The following TSPAN11 variants were observed in gnomAD, a reference collection of about 807,000 sequenced individuals.
TSPAN11 encodes tetraspanin-11.
A neutral mutation model predicts 32.9 loss-of-function variants in TSPAN11; 29 were observed. The ratio of observed to expected loss-of-function variants is 0.88; its 90% CI spans 0.66 to 1.20. TSPAN11 has a LOEUF of 1.20. TSPAN11 is among the 50% of genes most tolerant of loss of function. The pLI is 0.00. For missense variants in TSPAN11, 283 were observed against 329.1 expected (o/e 0.86, Z 1.08); for synonymous variants, 140 against 141.3 (o/e 0.99, Z 0.07).
At chr12:30,944,633 A>G (rs1024748407) in intron 1 of TSPAN11, among the ~76,000 whole-genome samples, 7 of 152,384 alleles carry the variant, frequency 4.6e-5, no homozygotes, top group African/African-American at 1.7e-4. Flanking sequence ...CTAAGTGTCC[A>G]TCAACAGATG....
At chr12:30,939,059 C>T (rs944009537) in intron 1 of TSPAN11, among the ~76,000 whole-genome samples, 14 of 152,072 alleles carry the variant, frequency 9.2e-5, no homozygotes, top group Admixed American at 7.2e-4. Context: ...ATGGTGAACC[C>T]TGTCTCTACT....
At position 30,992,213 on chromosome 12, in the gene TSPAN11, C is replaced by G; in HGVS notation, c.*298C>G. On this transcript the variant is annotated 3_prime_UTR_variant, in exon 8 of 8. Transcript: ENST00000546076. ...CAGGAACGGGGGCACCCGTGGACTA[C>G]GGGAGGGTGGCGGTTGGGTTCTCTG... is the stretch of plus-strand genomic sequence containing the variant. 1 of 476,300 alleles carries G rather than the reference C, an allele frequency of 2.1e-6. No individual in the cohort carries two copies. The highest frequency in any genetic ancestry group is 3.8e-6 in the Non-Finnish European group (1 of 262,178). 29.5% of individuals were successfully genotyped at this position (476,300 alleles called of 1,614,324 possible). A position where few individuals can be genotyped will look rare whatever the true frequency, so the allele number is the denominator to read the frequency against.
intron 3 of TSPAN11, among the ~76,000 whole-genome samples, chr12:30,965,397 C>G (rs929446485): frequency 1.3e-5 from 2 of 152,124 alleles, no homozygotes; most frequent in Non-Finnish European, 2.9e-5. Context: ...GTCGGGTCAT[C>G]TTGTTTAGAG....
At chr12:30,927,383 G>A (rs1465696097) in intron 1 of TSPAN11, among the ~76,000 whole-genome samples, 2 of 152,258 alleles carry the variant, frequency 1.3e-5, no homozygotes, top group African/African-American at 4.8e-5. Context: ...GTGGAAAGAA[G>A]GCATGGAAGG....
downstream of TSPAN11, among the ~76,000 whole-genome samples, chr12:30,999,646 A>G (rs1939459291): frequency 6.6e-6 from 1 of 152,144 alleles, no homozygotes; most frequent in African/African-American, 2.4e-5. Flanking sequence ...TGGCTTTCAC[A>G]CCATCATAAA....
rs185304779 is a variant in TSPAN11 at position 30,994,987 on chromosome 12, G to C, written c.*3072G>C. ...GCCATCAGGCTGTCATTAAGGAACA[G>C]AGTGTCACTCAGGGGGCACTGTCAC... On this transcript the variant is annotated 3_prime_UTR_variant, in exon 8 of 8. Coordinates refer to ENST00000546076, the MANE Select transcript of TSPAN11 (RefSeq NM_001370302.1). 1.4e-4 allele frequency: 22 copies of C among 151,862 alleles called. No individual in the cohort carries two copies. The East Asian group carries it at 4.1e-3, about 28-fold the overall frequency. 9.4% of individuals were successfully genotyped at this position (151,862 alleles called of 1,614,324 possible). A position where few individuals can be genotyped will look rare whatever the true frequency, so the allele number is the denominator to read the frequency against.
In TSPAN11 at chr12:30,979,623, C is replaced by G; in HGVS notation, c.409C>G (p.Pro137Ala). 6.2e-7 allele frequency: 1 copy of G among 1,614,180 alleles called. No homozygotes were observed. Among genetic ancestry groups the G allele is most frequent in the Non-Finnish European group, 8.5e-7 (1 of 1,180,030 alleles). ...GACTCTGGCTGAGAACTACGGGCAG[C>G]CCGGAGCCACGCAGATCACCGCCTC... The part of the protein sequence containing the change: ...NRTLAENYGQ[P>A]GATQITASVD... The change falls in exon 5 of 8, where the codon CCC (proline) becomes GCC (alanine). Residue 137 changes from proline to alanine, a missense_variant. Transcript: ENST00000546076.
chr12:30,931,961 G>A (rs556524173), intron 1 of TSPAN11, among the ~76,000 whole-genome samples: 4 of 143,918 alleles, frequency 2.8e-5, no homozygotes, highest in African/African-American at 7.7e-5. Flanking sequence ...CCCTAGCAAC[G>A]AGTGCAAAGC....
At chr12:30,927,488 G>A (rs1376296087) in intron 1 of TSPAN11, among the ~76,000 whole-genome samples, 1 of 152,176 alleles carries the variant, frequency 6.6e-6, no homozygotes, top group African/African-American at 2.4e-5. Flanking sequence ...GTTGGGCTTG[G>A]CGGGACAGCA....
chr12:30,936,657 G>A (rs1469248439), intron 1 of TSPAN11, among the ~76,000 whole-genome samples: 1 of 152,210 alleles, frequency 6.6e-6, no homozygotes, highest in African/African-American at 2.4e-5. Context: ...GCACTGCATA[G>A]GTGGATGGAG....
intron 1 of TSPAN11, among the ~76,000 whole-genome samples, chr12:30,928,616 G>T (rs1484320401): frequency 6.6e-6 from 1 of 152,210 alleles, no homozygotes; most frequent in Non-Finnish European, 1.5e-5. Context: ...AAGATCCTTG[G>T]ATGGGAGATG....
chr12:31,008,871 C>T, the TSPAN11 span, among the ~76,000 whole-genome samples: 1 of 152,198 alleles, frequency 6.6e-6, no homozygotes, highest in African/African-American at 2.4e-5. Flanking sequence ...GTGCGCCATT[C>T]GACCCAGGCT....
At chr12:30,973,239 A>G (rs951839334) in intron 3 of TSPAN11, among the ~76,000 whole-genome samples, 1 of 152,132 alleles carries the variant, frequency 6.6e-6, no homozygotes, top group Non-Finnish European at 1.5e-5. Context: ...TCCTGTCCTC[A>G]TCTATAAAGC....
intron 2 of TSPAN11, among the ~76,000 whole-genome samples, chr12:30,959,940 C>CG (rs1179566168): frequency 4.0e-5 from 6 of 151,000 alleles, no homozygotes; most frequent in Non-Finnish European, 8.8e-5. Flanking sequence ...ACTTCTCAGC[C>CG]GGGGGTGCCT....
the TSPAN11 span, among the ~76,000 whole-genome samples, chr12:31,011,014 T>C: frequency 3.7e-4 from 57 of 152,270 alleles, no homozygotes; most frequent in Admixed American, 2.8e-3. Flanking sequence ...CAGAAACAGA[T>C]TGACAACAGC....
chr12:30,981,002 G>A (rs1311236306), intron 5 of TSPAN11, among the ~76,000 whole-genome samples: 3 of 152,228 alleles, frequency 2.0e-5, no homozygotes, highest in Non-Finnish European at 4.4e-5. Flanking sequence ...TCAGAAGAGA[G>A]AGCAGCGCAG....
At chr12:30,958,254 A>G (rs1302708676) in intron 2 of TSPAN11, among the ~76,000 whole-genome samples, 1 of 152,164 alleles carries the variant, frequency 6.6e-6, no homozygotes, top group Non-Finnish European at 1.5e-5. Flanking sequence ...TATTTTATCA[A>G]GGGCTCTTTA....
rs1437292347 is a variant in TSPAN11 at position 30,992,782 on chromosome 12, C to T, written c.*867C>T. 2 of 152,220 alleles carry T rather than the reference C, an allele frequency of 1.3e-5. No homozygotes were observed. The highest frequency in any genetic ancestry group is 2.9e-5 in the Non-Finnish European group (2 of 68,084). 9.4% of individuals were successfully genotyped at this position (152,220 alleles called of 1,614,324 possible). ...GTGTCAAACATCTCCTGGAGTGGAC[C>T]AACTCGCAACCCTGCAAAGTCGGAG... On this transcript the variant is annotated 3_prime_UTR_variant, in exon 8 of 8. Transcript: ENST00000546076.
intron 1 of TSPAN11, among the ~76,000 whole-genome samples, chr12:30,931,041 G>A (rs770951983): frequency 1.2e-4 from 18 of 152,188 alleles, no homozygotes; most frequent in Non-Finnish European, 2.4e-4. Context: ...TGCTCTGGTG[G>A]TCCCCTGGTC....
Sources: allele counts gnomAD v4.1 joint callset (sites outside exome capture counted in the v4.1 genomes callset), GRCh38; gene constraint gnomAD v4.1.1; transcripts MANE v1.5; gene names NCBI Gene and HGNC (gene_info 2026-07-23, HGNC 2026-07-21).